The following ZNG1A variants were observed in gnomAD, a reference collection of about 807,000 sequenced individuals.
The protein encoded by ZNG1A is Zn regulated GTPase metalloprotein activator 1A, also known as zinc-regulated GTPase metalloprotein activator 1A.
chr9:131,919 C>T, the ZNG1A span, among the ~76,000 whole-genome samples: 3 of 139,542 alleles, frequency 2.1e-5, 1 homozygote, highest in Non-Finnish European at 4.6e-5. Flanking sequence ...ACCAACTCTC[C>T]ACTAAGACTT....
At chr9:159,892 C>CA in the ZNG1A span, 14 of 350,248 alleles carry the variant, frequency 4.0e-5, no homozygotes, top group South Asian at 3.1e-4. Flanking sequence ...TGCATAATGT[C>CA]AGTCTATTTA....
At chr9:146,184 C>T in the ZNG1A span, 151 of 1,581,378 alleles carry the variant, frequency 9.5e-5, no homozygotes, top group African/African-American at 1.9e-3. Flanking sequence ...CTAACGTGAG[C>T]AGTTGGAAAT....
chr9:149,581 C>A, the ZNG1A span: 7 of 149,604 alleles, frequency 4.7e-5, no homozygotes, highest in East Asian at 1.4e-3. Flanking sequence ...TTTTAAAATT[C>A]TTGTATTAAT....
chr9:145,982 T>C, the ZNG1A span: 1 of 897,396 alleles, frequency 1.1e-6, no homozygotes, highest in Non-Finnish European at 1.7e-6. Flanking sequence ...AGAATGGTCT[T>C]GTATGCCAAA....
chr9:171,649 G>A, the ZNG1A span: 125 of 216,780 alleles, frequency 5.8e-4, no homozygotes, highest in African/African-American at 2.8e-3. Flanking sequence ...ATGGGAGGAT[G>A]TGCATAGCTT....
At chr9:139,718 G>C in the ZNG1A span, among the ~76,000 whole-genome samples, 1 of 151,636 alleles carries the variant, frequency 6.6e-6, no homozygotes, top group Non-Finnish European at 1.5e-5. Flanking sequence ...AGACGCAGAA[G>C]ACAGGCGATT....
chr9:131,473 A>T, the ZNG1A span, among the ~76,000 whole-genome samples: 6 of 149,292 alleles, frequency 4.0e-5, no homozygotes, highest in Non-Finnish European at 5.9e-5. Context: ...ATGTGCTTAA[A>T]CTCAAAATCT....
chr9:169,285 G>C, the ZNG1A span, among the ~76,000 whole-genome samples: 1 of 148,980 alleles, frequency 6.7e-6, no homozygotes, highest in African/African-American at 2.5e-5. Context: ...GAAACAGTAA[G>C]AGAACTAGAA....
chr9:170,140 C>T, the ZNG1A span, among the ~76,000 whole-genome samples: 4 of 146,976 alleles, frequency 2.7e-5, no homozygotes, highest in African/African-American at 1.0e-4. Flanking sequence ...TATGGCTGTA[C>T]AGTATAAGAA....
the ZNG1A span, among the ~76,000 whole-genome samples, chr9:173,988 T>A: frequency 6.6e-6 from 1 of 151,540 alleles, no homozygotes; most frequent in Non-Finnish European, 1.5e-5. Flanking sequence ...TCTACTAAAA[T>A]TACAAAAAAT....
the ZNG1A span, among the ~76,000 whole-genome samples, chr9:125,081 G>A: frequency 6.6e-6 from 1 of 152,190 alleles, no homozygotes; most frequent in African/African-American, 2.4e-5. Context: ...CTAGTAGTGG[G>A]ATTGCTGGAC....
the ZNG1A span, among the ~76,000 whole-genome samples, chr9:143,778 T>C: frequency 1.8e-5 from 2 of 111,284 alleles, no homozygotes; most frequent in African/African-American, 4.0e-5. Context: ...GATGACATGA[T>C]TGTATATCTA....
the ZNG1A span, among the ~76,000 whole-genome samples, chr9:173,904 T>A: frequency 1.3e-5 from 2 of 152,126 alleles, no homozygotes; most frequent in Admixed American, 6.5e-5. Context: ...ATTAAACTTA[T>A]AGGGAGGCCA....
chr9:154,283 A>G, the ZNG1A span: 1 of 147,496 alleles, frequency 6.8e-6, no homozygotes, highest in African/African-American at 4.1e-5. Flanking sequence ...TCTATAGAAT[A>G]AATTAAAAAA....
the ZNG1A span, among the ~76,000 whole-genome samples, chr9:127,536 T>C: frequency 1.7e-4 from 26 of 152,326 alleles, no homozygotes; most frequent in African/African-American, 6.3e-4. Context: ...TGAAATGTCT[T>C]GGTCCATCCC....
chr9:163,440 T>G, the ZNG1A span, among the ~76,000 whole-genome samples: 2 of 152,134 alleles, frequency 1.3e-5, no homozygotes, highest in African/African-American at 4.8e-5. Context: ...AAAGAAAACC[T>G]TAGTGGAAGC....
the ZNG1A span, among the ~76,000 whole-genome samples, chr9:174,330 G>C: frequency 6.6e-6 from 1 of 152,026 alleles, no homozygotes; most frequent in East Asian, 1.9e-4. Flanking sequence ...CTAAGCAAAT[G>C]AGCTCCCATA....
chr9:163,846 G>A, the ZNG1A span: 2 of 1,100,944 alleles, frequency 1.8e-6, no homozygotes, highest in South Asian at 2.9e-5. Flanking sequence ...GAACCCAGGA[G>A]GTAAAGGTTG....
the ZNG1A span, among the ~76,000 whole-genome samples, chr9:176,836 A>G: frequency 6.7e-6 from 1 of 149,590 alleles, no homozygotes; most frequent in South Asian, 2.1e-4. Flanking sequence ...TTTTAACCAT[A>G]TTATGAAAAA....
Sources: gnomAD v4.1 joint callset for allele counts (sites outside exome capture counted in the v4.1 genomes callset) on GRCh38, gnomAD v4.1.1 for gene constraint, MANE v1.5 for transcripts, NCBI Gene and HGNC (gene_info 2026-07-23, HGNC 2026-07-21) for gene names.